Variants in PINK1 observed in about 807,000 individuals in gnomAD.
The protein encoded by PINK1 is serine/threonine-protein kinase PINK1, mitochondrial.
A neutral mutation model predicts 56.0 loss-of-function variants in PINK1; 58 were observed. The observed-to-expected ratio is 1.04, with a 90% CI of 0.84 to 1.29. The LOEUF (loss-of-function observed/expected upper bound fraction) is 1.29. Among genes scored for constraint, PINK1 ranks in the 50% most tolerant of loss-of-function variants. The pLI is 0.00. For synonymous variants in PINK1, 354 were observed against 339.3 expected, an observed-to-expected ratio of 1.04 and a Z score of -0.48; for missense variants, 745 against 777.9, an observed-to-expected ratio of 0.96 and a Z score of 0.50.
In PINK1 at chr1:20,633,799, A is replaced by T; in HGVS notation, c.251A>T (p.Gln84Leu). 2 of 1,575,682 alleles carry T rather than the reference A, an allele frequency of 1.3e-6. No individual in the cohort carries two copies. Among genetic ancestry groups the T allele is most frequent in the East Asian group, 2.3e-5 (1 of 43,448 alleles). Residue 84 changes from glutamine (Q) to leucine (L), a missense_variant, in exon 1 of 8, where the codon CAG (glutamine) becomes CTG (leucine). Gln to Leu is a moderately radical substitution (Grantham distance 113). Coordinates refer to ENST00000321556, the MANE Select transcript of PINK1 (RefSeq NM_032409.3). ...GGGCTGGCGGCGCGGTTGCAGCGGC[A>T]GTTCGTGGTGCGGGCCTGGGGCTGC... ...VAGLAARLQR[Q>L]FVVRAWGCAG... is the part of the protein sequence containing the mutation.
Position 20,633,524 on chromosome 1 carries a change from G to A in PINK1, c.-25G>A. ...CGGTGGTGGCGGCAGCGGCGGCTGC[G>A]GGGGCACCGGGCCGCGGCGCCACCA... is the stretch of plus-strand genomic sequence containing the variant. On this transcript the variant is annotated 5_prime_UTR_variant, in exon 1 of 8. Coordinates refer to ENST00000321556, the MANE Select transcript of PINK1 (RefSeq NM_032409.3). 2 of 1,138,256 alleles carry A rather than the reference G, an allele frequency of 1.8e-6. No homozygotes were observed. Among genetic ancestry groups the A allele is most frequent in the East Asian group, 4.6e-5 (1 of 21,772 alleles). The allele number at this position is 1,138,256 out of a possible 1,614,324, so 70.5% of individuals were successfully genotyped here. A position where few individuals can be genotyped will look rare whatever the true frequency, so the allele number is the denominator to read the frequency against.
At chr1:20,636,142 G>A (rs1570398789) in intron 1 of PINK1, among the ~76,000 whole-genome samples, 1 of 151,656 alleles carries the variant, frequency 6.6e-6, no homozygotes, top group African/African-American at 2.4e-5. Flanking sequence ...ACCCCATCCT[G>A]GGCAACTAGC....
chr1:20,640,040 A>G (rs2053100351), intron 3 of PINK1, 48 bp downstream of exon 3: 4 of 1,472,782 alleles, frequency 2.7e-6, no homozygotes, highest in East Asian at 4.9e-5. Flanking sequence ...TTTGAGAGCA[A>G]CTTCATCCAT....
At chr1:20,640,766 C>T (rs1570401668) in intron 3 of PINK1, among the ~76,000 whole-genome samples, 3 of 152,286 alleles carry the variant, frequency 2.0e-5, no homozygotes, top group South Asian at 4.1e-4. Flanking sequence ...ATATTTACAG[C>T]CTGGCTCATG....
At chr1:20,638,263 GT>G in intron 2 of PINK1, 134 bp downstream of exon 2, 1 of 1,011,046 alleles carries the variant, frequency 9.9e-7, no homozygotes, top group Non-Finnish European at 1.4e-6. Flanking sequence ...GTATAGTCAG[GT>G]TACCTCCCCC....
rs12070174 is a variant in PINK1 at position 20,649,284 on chromosome 1, C to T, written c.1488+53C>T. 2,054 of 1,580,182 alleles carry T rather than the reference C, an allele frequency of 1.3e-3. 30 individuals carry two copies. The African/African-American group carries it at 0.025, about 19-fold the overall frequency. ...CGGTGTGGGTAGAAACCTCTGTTCT[C>T]GTTCCAGAGTGAAGGTCAGGTTTGG... On this transcript the variant is annotated intron_variant, in intron 7 of 7. Transcript: ENST00000321556.
intron 4 of PINK1, 136 bp from the exon 5 acceptor site, chr1:20,645,424 G>A: frequency 1.0e-6 from 1 of 1,003,320 alleles, no homozygotes; most frequent in Non-Finnish European, 1.5e-6. Context: ...GGAAGGTGGA[G>A]GTTGCAGTGA....
rs1036526729 is a variant in PINK1, at chr1:20,638,054, A to C, written c.600A>C (p.Ala200=). ...CAGGGAGAGGCCCAGGTACCAGTGC[A>C]CCAGGAGAAGGGCAGGAGCGAGCTC... ...LLPGRGPGTS[A]PGEGQERAPG... The change falls in exon 2 of 8, where the codon GCA becomes GCC. Residue 200 remains alanine (A), a synonymous_variant. Transcript: ENST00000321556. The C allele has an allele frequency of 2.5e-6, 4 of 1,613,996 alleles. No individual in the cohort carries two copies. Among genetic ancestry groups the C allele is most frequent in the African/African-American group, 1.3e-5 (1 of 74,908 alleles).
At chr1:20,640,406 CA>C in intron 3 of PINK1, among the ~76,000 whole-genome samples, 1 of 148,726 alleles carries the variant, frequency 6.7e-6, no homozygotes, top group Admixed American at 6.7e-5. Context: ...TTAAAAAAAA[CA>C]AAAAGTGGTC....
intron 7 of PINK1, chr1:20,649,488 G>A (rs1007003020): frequency 1.2e-5 from 6 of 502,036 alleles, no homozygotes; most frequent in Non-Finnish European, 1.8e-5. Flanking sequence ...TCAGAGGCCA[G>A]ACACGGTGGC....
In PINK1 at chr1:20,633,739, C is replaced by T. The variant is rs1174275419; in HGVS notation, c.191C>T (p.Pro64Leu). 6.5e-7 allele frequency: 1 copy of T among 1,539,044 alleles called. No homozygotes were observed. Among genetic ancestry groups the T allele is most frequent in the East Asian group, 2.4e-5 (1 of 41,230 alleles). ...CCTCGCAGGGTCGGGCTCGGGCTCC[C>T]TAACCGTCTCCGCTTCTTCCGCCAG... ...AEPRRVGLGL[P>L]NRLRFFRQSV... is the part of the protein sequence containing the mutation. Residue 64 changes from proline to leucine, a missense_variant, in exon 1 of 8, where the codon CCT becomes CTT. Transcript: ENST00000321556.
chr1:20,637,360 AG>A (rs1158962856), intron 1 of PINK1, among the ~76,000 whole-genome samples: 2 of 138,864 alleles, frequency 1.4e-5, no homozygotes, highest in Admixed American at 7.0e-5. Flanking sequence ...AGGCAGAGAG[AG>A]AAAGACAGTA....
chr1:20,645,190 G>C (rs543594851), intron 4 of PINK1, among the ~76,000 whole-genome samples: 73 of 152,252 alleles, frequency 4.8e-4, no homozygotes, highest in African/African-American at 1.7e-3. Flanking sequence ...CCCTAACAGT[G>C]ATTAAGGTTA....
intron 1 of PINK1, among the ~76,000 whole-genome samples, chr1:20,636,637 C>A (rs760818889): frequency 6.6e-6 from 1 of 152,172 alleles, no homozygotes; most frequent in African/African-American, 2.4e-5. Flanking sequence ...CCACCACGCC[C>A]GGCCTGGACT....
intron 1 of PINK1, among the ~76,000 whole-genome samples, chr1:20,636,123 C>G (rs369109535): frequency 6.6e-6 from 1 of 151,942 alleles, no homozygotes; most frequent in East Asian, 1.9e-4. Flanking sequence ...GCTGTAGTTG[C>G]AACACTGCAC....
intron 5 of PINK1, among the ~76,000 whole-genome samples, chr1:20,647,366 C>T (rs2053196491): frequency 6.6e-6 from 1 of 151,406 alleles, no homozygotes; most frequent in African/African-American, 2.4e-5. Context: ...CACTGTTGGC[C>T]AGGCTGGTCT....
chr1:20,634,425 CT>C (rs1458540911), intron 1 of PINK1, among the ~76,000 whole-genome samples: 3 of 152,318 alleles, frequency 2.0e-5, no homozygotes, highest in Admixed American at 2.0e-4. Flanking sequence ...GCAGTAAAAA[CT>C]ATGAACGGCG....
At chr1:20,649,535 C>T (rs956869562) in intron 7 of PINK1, 10 of 358,634 alleles carry the variant, frequency 2.8e-5, no homozygotes, top group African/African-American at 2.1e-5. Context: ...GAGGCTGAGG[C>T]GGGTGGATCA....
chr1:20,640,108 T>A, intron 3 of PINK1, 116 bp downstream of exon 3: 1 of 891,930 alleles, frequency 1.1e-6, no homozygotes, highest in Non-Finnish European at 1.8e-6. Flanking sequence ...AATAAAGGCT[T>A]AATGTTGGTG....
Sources: gnomAD v4.1 joint callset for allele counts (sites outside exome capture counted in the v4.1 genomes callset) on GRCh38, gnomAD v4.1.1 for gene constraint, MANE v1.5 for transcripts, NCBI Gene and HGNC (gene_info 2026-07-23, HGNC 2026-07-21) for gene names.